Variants in SGCD observed in about 807,000 individuals in gnomAD.
SGCD encodes the protein sarcoglycan delta.
A neutral mutation model predicts 36.6 loss-of-function variants in SGCD; 18 were observed. The observed-to-expected ratio is 0.49, with a 90% CI of 0.34 to 0.73. The LOEUF is 0.73. Among genes scored for constraint, SGCD ranks in the 30% least tolerant of loss-of-function variants. The pLI is 0.01. For synonymous variants in SGCD, 133 were observed against 130.6 expected (o/e 1.02, Z -0.12); for missense variants, 387 against 346.7 (o/e 1.12, Z -0.92).
At chr5:156,529,780 G>T (rs1457360541) in intron 4 of SGCD, among the ~76,000 whole-genome samples, 3 of 152,162 alleles carry the variant, frequency 2.0e-5, no homozygotes, top group African/African-American at 7.2e-5. Context: ...ATCTCTATCA[G>T]CAGCTAAGTG....
chr5:155,836,886 T>C, the SGCD span, among the ~76,000 whole-genome samples: 4 of 152,168 alleles, frequency 2.6e-5, no homozygotes, highest in Admixed American at 6.5e-5. Flanking sequence ...ATCTTTATCT[T>C]AAGGGCAGTG....
chr5:155,994,035 C>T (rs1758489329), intron 1 of SGCD, among the ~76,000 whole-genome samples: 2 of 152,186 alleles, frequency 1.3e-5, no homozygotes, highest in South Asian at 4.1e-4. Context: ...TTGGAAAATA[C>T]AATCTGTCCC....
intron 3 of SGCD, among the ~76,000 whole-genome samples, chr5:156,130,024 T>A (rs1232584209): frequency 2.6e-5 from 4 of 152,208 alleles, no homozygotes; most frequent in African/African-American, 9.6e-5. Flanking sequence ...GATTGCTGGG[T>A]CAAATGGTAA....
chr5:155,893,966 G>C (rs1010653166), intron 1 of SGCD, among the ~76,000 whole-genome samples: 3 of 152,170 alleles, frequency 2.0e-5, no homozygotes, highest in African/African-American at 7.2e-5. Context: ...TCTAAAAATA[G>C]AAAAGGTACA....
At chr5:156,453,916 G>A (rs897150268) in intron 3 of SGCD, among the ~76,000 whole-genome samples, 3 of 152,198 alleles carry the variant, frequency 2.0e-5, no homozygotes, top group East Asian at 1.9e-4. Flanking sequence ...ACTAATCTAC[G>A]ATAAGAGAAA....
intron 3 of SGCD, among the ~76,000 whole-genome samples, chr5:156,419,622 T>C (rs1773209702): frequency 6.6e-6 from 1 of 152,078 alleles, no homozygotes; most frequent in African/African-American, 2.4e-5. Flanking sequence ...AGCAATATGG[T>C]GGTGGGTTAG....
intron 3 of SGCD, among the ~76,000 whole-genome samples, chr5:156,180,417 T>A (rs1763576744): frequency 6.6e-6 from 1 of 152,148 alleles, no homozygotes; most frequent in Admixed American, 6.5e-5. Context: ...AATAAACAAA[T>A]TTATCAGTAT....
chr5:156,435,635 G>A (rs2127791162), intron 3 of SGCD, among the ~76,000 whole-genome samples: 1 of 152,258 alleles, frequency 6.6e-6, no homozygotes, highest in East Asian at 1.9e-4. Flanking sequence ...AGGTGATAGG[G>A]AGATGTAGAC....
chr5:156,059,221 G>C (rs544926654), intron 1 of SGCD, among the ~76,000 whole-genome samples: 4 of 145,890 alleles, frequency 2.7e-5, no homozygotes, highest in African/African-American at 9.8e-5. Context: ...CCCAAGCCCT[G>C]TCTAGAGGAA....
At chr5:156,182,448 A>G (rs1763632557) in intron 3 of SGCD, among the ~76,000 whole-genome samples, 1 of 152,070 alleles carries the variant, frequency 6.6e-6, no homozygotes, top group African/African-American at 2.4e-5. Flanking sequence ...AAAATTATCC[A>G]GGCATGATGG....
chr5:156,759,131 T>C (rs1757445380), intron 8 of SGCD, 86 bp from the exon 9 acceptor site: 1 of 1,051,874 alleles, frequency 9.5e-7, no homozygotes. Context: ...TTCAGTTGAA[T>C]TGAACATTCA....
At chr5:156,459,448 C>G (rs541685192) in intron 3 of SGCD, among the ~76,000 whole-genome samples, 4 of 152,132 alleles carry the variant, frequency 2.6e-5, no homozygotes, top group Non-Finnish European at 1.5e-5. Context: ...TGAGAGTCAA[C>G]GGTTTGGCAA....
At chr5:156,047,311 T>C (rs1156921998) in intron 1 of SGCD, among the ~76,000 whole-genome samples, 2 of 152,166 alleles carry the variant, frequency 1.3e-5, no homozygotes, top group Non-Finnish European at 2.9e-5. Context: ...TGAAGGTGGC[T>C]ATACCCAACA....
At chr5:156,239,066 G>C (rs185174205) in intron 3 of SGCD, among the ~76,000 whole-genome samples, 61 of 152,078 alleles carry the variant, frequency 4.0e-4, no homozygotes, top group Admixed American at 2.9e-3. Context: ...TTCACTTTGG[G>C]TCTGGGTCCC....
At chr5:156,411,512 C>A (rs367814085) in intron 3 of SGCD, among the ~76,000 whole-genome samples, 2 of 152,206 alleles carry the variant, frequency 1.3e-5, no homozygotes, top group Admixed American at 6.5e-5. Context: ...TGGAGCCAGA[C>A]GTGACTGGGC....
chr5:156,601,410 T>G (rs996359397), intron 6 of SGCD, among the ~76,000 whole-genome samples: 8 of 152,218 alleles, frequency 5.3e-5, no homozygotes, highest in Admixed American at 2.6e-4. Flanking sequence ...CCAATATGTG[T>G]TTTTATCAAC....
At chr5:156,508,411 A>C (rs2127874898) in intron 3 of SGCD, among the ~76,000 whole-genome samples, 190 bp from the exon 4 acceptor site, 1 of 152,288 alleles carries the variant, frequency 6.6e-6, no homozygotes, top group South Asian at 2.1e-4. Context: ...GAAAGAGTGA[A>C]AAAGATAATA....
At chr5:155,827,951 A>T in the SGCD span, among the ~76,000 whole-genome samples, 10 of 149,868 alleles carry the variant, frequency 6.7e-5, no homozygotes, top group African/African-American at 2.5e-4. Flanking sequence ...TCGGCCTCCC[A>T]AAGTGCTGAG....
chr5:156,079,016 T>TG, intron 1 of SGCD, among the ~76,000 whole-genome samples: 1 of 134,636 alleles, frequency 7.4e-6, no homozygotes, highest in Non-Finnish European at 1.5e-5. Context: ...CTGGGTAATT[T>TG]GTAAAAAAAA....
Sources: gnomAD v4.1 joint callset for allele counts (sites outside exome capture counted in the v4.1 genomes callset) on GRCh38, gnomAD v4.1.1 for gene constraint, MANE v1.5 for transcripts, NCBI Gene and HGNC (gene_info 2026-07-23, HGNC 2026-07-21) for gene names.